Variants in COL9A1 observed in about 807,000 individuals in gnomAD.
COL9A1 encodes the protein collagen alpha-1(IX) chain.
In COL9A1, 104 loss-of-function variants were observed where a neutral mutation model predicts 142.6. The observed-to-expected ratio is 0.73, with a 90% CI of 0.62 to 0.86. The LOEUF is 0.86. Ranked by LOEUF, COL9A1 falls within the 40% of genes least tolerant of loss-of-function variation. The pLI is 0.00. For synonymous variants in COL9A1, 466 were observed against 396.0 expected (o/e 1.18, Z -2.10); for missense variants, 1,210 against 1,176.6 (o/e 1.03, Z -0.42).
intron 30 of COL9A1, 94 bp from the exon 31 acceptor site, chr6:70,241,548 C>T (rs1474152757): frequency 9.7e-6 from 10 of 1,030,154 alleles, no homozygotes; most frequent in Admixed American, 3.6e-5. Flanking sequence ...AGCACAAGTA[C>T]GGATAATGTG....
At chr6:70,251,218 A>G (rs1295187815) in intron 28 of COL9A1, among the ~76,000 whole-genome samples, 1 of 152,204 alleles carries the variant, frequency 6.6e-6, no homozygotes, top group Non-Finnish European at 1.5e-5. Flanking sequence ...TTGAAACATT[A>G]TGCTAAGTGA....
chr6:70,302,058 A>C lies in COL9A1; in HGVS notation c.31T>G (p.Phe11Val). ...GGTTCCAGGAAACTGCACACAAAGA[A>C]GAAAACTGGAATTTTCCTGAAGAAG... is the stretch of plus-strand genomic sequence containing the variant. MKTCWKIPVFFFVCSFLEPWA... is the reference protein window; with the variant it reads MKTCWKIPVFVFVCSFLEPWA... Residue 11 changes from phenylalanine (F) to valine (V), a missense_variant, in exon 2 of 38, where the codon TTC becomes GTC. Transcript: ENST00000357250. 1 of 1,611,462 alleles carries C rather than the reference A, an allele frequency of 6.2e-7. No homozygotes were observed.
At chr6:70,283,320 G>T in intron 6 of COL9A1, 1 of 1,204,732 alleles carries the variant, frequency 8.3e-7, no homozygotes, top group Non-Finnish European at 1.1e-6. Flanking sequence ...CTTCCCTGCC[G>T]CCGCACAGGC....
At chr6:70,241,154 C>T (rs575466988) in intron 31 of COL9A1, among the ~76,000 whole-genome samples, 18 of 152,218 alleles carry the variant, frequency 1.2e-4, no homozygotes, top group African/African-American at 3.1e-4. Flanking sequence ...AAACCAATTC[C>T]GTGAACCAGA....
At chr6:70,287,765 G>C (rs1773512668) in intron 5 of COL9A1, among the ~76,000 whole-genome samples, 1 of 152,140 alleles carries the variant, frequency 6.6e-6, no homozygotes, top group African/African-American at 2.4e-5. Context: ...CAGCATATGA[G>C]TCAGTTTCTT....
intron 5 of COL9A1, among the ~76,000 whole-genome samples, chr6:70,291,820 G>A (rs1290267092): frequency 6.6e-6 from 1 of 152,104 alleles, no homozygotes; most frequent in African/African-American, 2.4e-5. Context: ...AAGCTAGTTG[G>A]CATAGCAGAA....
chr6:70,287,918 T>G (rs1773517481), intron 5 of COL9A1, among the ~76,000 whole-genome samples: 2 of 152,226 alleles, frequency 1.3e-5, no homozygotes, highest in Non-Finnish European at 2.9e-5. Flanking sequence ...TGTTTTCATT[T>G]AGAGATATTT....
intron 37 of COL9A1, among the ~76,000 whole-genome samples, chr6:70,222,163 ATATAT>A (rs1768919147): frequency 6.6e-6 from 1 of 152,206 alleles, no homozygotes; most frequent in Non-Finnish European, 1.5e-5. Flanking sequence ...ATTTTCTCAA[ATATAT>A]TATAAAAAAA....
Position 70,243,471 on chromosome 6 carries a change from C to CT in COL9A1, c.1873-757dup, listed in dbSNP as rs553986384. Among the ~76,000 whole-genome samples the CT allele has an allele frequency of 1.1e-4, 16 of 152,184 alleles. No homozygotes were observed. In the East Asian group the frequency reaches 2.7e-3, roughly 26 times the overall value. ...AAAAAGAAACACATGAACTTTTCAACTTTTTTCCCTGAGAACTTCATACAA... is the reference window on the plus strand; with the variant it reads ...AAAAAGAAACACATGAACTTTTCAACTTTTTTTCCCTGAGAACTTCATACAA... On this transcript the variant is annotated intron_variant, in intron 28 of 37. Transcript: ENST00000357250.
intron 14 of COL9A1, 99 bp from the exon 15 acceptor site, chr6:70,270,466 C>T (rs1023331811): frequency 8.9e-7 from 1 of 1,117,680 alleles, no homozygotes; most frequent in South Asian, 1.5e-5. Context: ...CTGGAAACCC[C>T]CACCGAGCTC....
At chr6:70,239,771 T>C (rs1432269554) in intron 32 of COL9A1, among the ~76,000 whole-genome samples, 1 of 152,190 alleles carries the variant, frequency 6.6e-6, no homozygotes, top group Non-Finnish European at 1.5e-5. Context: ...CTACCACTAA[T>C]GCTAGTTATA....
At position 70,280,118 on chromosome 6, in the gene COL9A1, A is replaced by T. The variant is rs1192879668; in HGVS notation, c.975+694T>A. The T allele has an allele frequency of 5.9e-5, 34 of 575,120 alleles. No individual in the cohort carries two copies. In the South Asian group the frequency reaches 8.9e-4, roughly 15 times the overall value. 35.6% of individuals were successfully genotyped at this position (575,120 alleles called of 1,614,324 possible). On this transcript the variant is annotated intron_variant, in intron 10 of 37. Coordinates refer to ENST00000357250, the MANE Select transcript of COL9A1 (RefSeq NM_001851.6). ...AGAAGTATTATTTAGTGTTAGGTTTACCATATAAGTCAGCATTTGATGGAG... is the reference window on the plus strand; with the variant it reads ...AGAAGTATTATTTAGTGTTAGGTTTTCCATATAAGTCAGCATTTGATGGAG...
downstream of COL9A1, chr6:70,215,919 A>ACACG (rs1012508587): frequency 2.6e-5 from 4 of 151,738 alleles, no homozygotes; most frequent in Non-Finnish European, 5.9e-5. Flanking sequence ...TAAAACACAC[A>ACACG]CACACACACA....
At chr6:70,282,658 C>A (rs551208873) in intron 7 of COL9A1, among the ~76,000 whole-genome samples, 33 of 152,338 alleles carry the variant, frequency 2.2e-4, no homozygotes, top group Admixed American at 8.5e-4. Context: ...TTACCTTCAG[C>A]GCCAGAGCCT....
chr6:70,270,358 CA>C lies in COL9A1; in HGVS notation c.1152del (p.Arg386GlufsTer43), dbSNP rs1397265180. The C allele has an allele frequency of 6.2e-7, 1 of 1,613,568 alleles. No homozygotes were observed. ...GGGGGGCCAGGTGGTCCTCTTCTCC[CA>C]GGGTCACCCTAAGTTATTTGAAAAT... is the stretch of plus-strand genomic sequence containing the variant. ...ELGRVGPVGD[P>X]GRRGPPGPPG... is the part of the protein sequence containing the mutation. On this transcript the variant is annotated frameshift_variant, in exon 15 of 38. Transcript: ENST00000357250. LOFTEE classifies it high-confidence loss of function.
At chr6:70,231,971 C>A (rs1007807703) in intron 36 of COL9A1, among the ~76,000 whole-genome samples, 4 of 152,020 alleles carry the variant, frequency 2.6e-5, no homozygotes, top group African/African-American at 7.3e-5. Context: ...TCTGCAAAAT[C>A]CTGGATGCAA....
intron 5 of COL9A1, among the ~76,000 whole-genome samples, chr6:70,289,197 C>G (rs1326081675): frequency 2.0e-5 from 3 of 152,116 alleles, no homozygotes; most frequent in Middle Eastern, 3.4e-3. Flanking sequence ...ACACTGGAAC[C>G]AAAGAAACTA....
intron 15 of COL9A1, among the ~76,000 whole-genome samples, chr6:70,270,087 AG>A (rs1772293989): frequency 6.6e-6 from 1 of 152,252 alleles, no homozygotes; most frequent in South Asian, 2.1e-4. Flanking sequence ...AGACTTCAAA[AG>A]TAATGAGTAA....
intron 21 of COL9A1, among the ~76,000 whole-genome samples, chr6:70,256,246 C>T (rs1771287793): frequency 6.6e-6 from 1 of 152,190 alleles, no homozygotes; most frequent in South Asian, 2.1e-4. Context: ...CATTGGAACA[C>T]AGGACTTTGA....
Sources: allele counts gnomAD v4.1 joint callset (sites outside exome capture counted in the v4.1 genomes callset), GRCh38; gene constraint gnomAD v4.1.1; transcripts MANE v1.5; gene names NCBI Gene and HGNC (gene_info 2026-07-23, HGNC 2026-07-21).